Variants in PRKAR1A observed in about 807,000 individuals in gnomAD.
PRKAR1A encodes the protein protein kinase cAMP-dependent type I regulatory subunit alpha.
PRKAR1A carries 3 observed loss-of-function variants against 52.0 expected under a neutral mutation model. The observed-to-expected ratio is 0.06, with a 90% CI of 0.03 to 0.15. PRKAR1A has a LOEUF of 0.15. Among genes scored for constraint, PRKAR1A ranks in the 10% least tolerant of loss-of-function variants. The pLI is 1.00. For missense variants in PRKAR1A, 240 were observed against 477.4 expected (o/e 0.50, Z 4.63); for synonymous variants, 188 against 168.4 (o/e 1.12, Z -0.90).
the PRKAR1A span, chr17:68,422,257 C>T: frequency 5.0e-4 from 81 of 163,050 alleles, no homozygotes; most frequent in Non-Finnish European, 8.2e-4. Context: ...GAAACCCCAT[C>T]GCTACTAAAA....
At chr17:68,444,476 C>T in the PRKAR1A span, 1 of 1,605,398 alleles carries the variant, frequency 6.2e-7, no homozygotes, top group Middle Eastern at 1.7e-4. Flanking sequence ...GACATTTGTT[C>T]CATTTTTGGA....
chr17:68,471,554 C>T, the PRKAR1A span, among the ~76,000 whole-genome samples: 1 of 152,168 alleles, frequency 6.6e-6, no homozygotes, highest in Non-Finnish European at 1.5e-5. Context: ...AATGGCTAAG[C>T]CCCTCTATTC....
At chr17:68,498,690 C>T in the PRKAR1A span, among the ~76,000 whole-genome samples, 1 of 152,240 alleles carries the variant, frequency 6.6e-6, no homozygotes, top group Non-Finnish European at 1.5e-5. Context: ...TGGCAATTGG[C>T]CCTAGTTCCA....
Position 68,540,058 on chromosome 17 carries a change from A to C in PRKAR1A, c.973+10057A>C. On this transcript the variant is annotated intron_variant, in intron 11 of 11. Transcript: ENST00000585981. ...TCTCTCCAGGGAACGGAGGCCTGTC[A>C]TCACTTGAGAGACAGGGGTGTGAAC... 3 of 1,084,412 alleles carry C rather than the reference A, an allele frequency of 2.8e-6. No individual in the cohort carries two copies. In the South Asian group the frequency reaches 3.9e-5, roughly 14 times the overall value. 67.2% of individuals were successfully genotyped at this position (1,084,412 alleles called of 1,614,324 possible). A position where few individuals can be genotyped will look rare whatever the true frequency, so the allele number is the denominator to read the frequency against.
At chr17:68,427,778 T>C in the PRKAR1A span, among the ~76,000 whole-genome samples, 2 of 152,272 alleles carry the variant, frequency 1.3e-5, no homozygotes, top group South Asian at 2.1e-4. Context: ...GGTGAGGACA[T>C]GCTAGCAAGG....
At chr17:68,512,187 G>C (rs558978079), upstream of PRKAR1A, 3 of 154,124 alleles carry the variant, frequency 1.9e-5, no homozygotes, top group Non-Finnish European at 4.3e-5. Flanking sequence ...AACCGGGCTA[G>C]GGAGACTGCG....
intron 11 of PRKAR1A, chr17:68,543,766 G>A (rs1233931025): frequency 1.3e-6 from 2 of 1,530,954 alleles, no homozygotes; most frequent in Admixed American, 3.3e-5. Context: ...GACTTCAGCT[G>A]GGAGCCTGAG....
At chr17:68,450,397 G>A in the PRKAR1A span, among the ~76,000 whole-genome samples, 22 of 152,172 alleles carry the variant, frequency 1.4e-4, no homozygotes, top group Non-Finnish European at 3.2e-4. Context: ...TCTGATTTAA[G>A]GTGCTCTTGC....
At chr17:68,512,277 A>C (rs1260200994), upstream of PRKAR1A, 1 of 153,310 alleles carries the variant, frequency 6.5e-6, no homozygotes, top group Non-Finnish European at 1.5e-5. Context: ...AAGACGAACG[A>C]CCGCAGAGTG....
chr17:68,525,683 G>A (rs1380572550), intron 6 of PRKAR1A, 71 bp from the exon 7 acceptor site: 18 of 1,523,666 alleles, frequency 1.2e-5, no homozygotes, highest in Non-Finnish European at 1.6e-5. Context: ...TTTTAAAAAG[G>A]TTTGAGGGTT....
chr17:68,529,128 C>A, intron 9 of PRKAR1A, 137 bp downstream of exon 9: 1 of 1,022,552 alleles, frequency 9.8e-7, no homozygotes, highest in Middle Eastern at 3.2e-4. Context: ...GAATACCTGA[C>A]CATTTTATTT....
In PRKAR1A at chr17:68,539,330, A is replaced by G. The variant is rs757155258; in HGVS notation, c.973+9329A>G. 5.0e-6 allele frequency: 8 copies of G among 1,614,094 alleles called. No individual in the cohort carries two copies. In the African/African-American group the frequency reaches 5.3e-5, roughly 11 times the overall value. ...TTGCCCGTATTATCTGCTGCAGGAA[A>G]ACTTACATGCAGCACTGGGAGAGAG... is the stretch of plus-strand genomic sequence containing the variant. On this transcript the variant is annotated intron_variant, in intron 11 of 11. Coordinates refer to the PRKAR1A transcript ENST00000585981.
upstream of PRKAR1A, among the ~76,000 whole-genome samples, chr17:68,508,040 T>G (rs1381358968): frequency 6.6e-6 from 1 of 151,058 alleles, no homozygotes; most frequent in Admixed American, 6.7e-5. Context: ...TCTTTAATGT[T>G]TGTGGGCCTC....
At chr17:68,498,128 A>T in the PRKAR1A span, among the ~76,000 whole-genome samples, 5 of 152,046 alleles carry the variant, frequency 3.3e-5, no homozygotes, top group Admixed American at 6.5e-5. Flanking sequence ...TTCATGCCAC[A>T]CCTTTGCTAG....
In PRKAR1A at chr17:68,550,970, G is replaced by A. The variant is rs1271103399; in HGVS notation, c.974-114G>A. On this transcript the variant is annotated intron_variant, in intron 11 of 11. Transcript: ENST00000585981. ...CTCTCAATGGGCCTCCCCTTGAATG[G>A]CTGAAGGTTTGGAATCTGCCAGTCT... 5.3e-6 allele frequency: 5 copies of A among 948,998 alleles called. 1 individual carries two copies. Among genetic ancestry groups the A allele is most frequent in the East Asian group, 6.6e-5 (2 of 30,398 alleles). 58.8% of individuals were successfully genotyped at this position (948,998 alleles called of 1,614,324 possible). A position where few individuals can be genotyped will look rare whatever the true frequency, so the allele number is the denominator to read the frequency against.
At chr17:68,545,043 CA>C (rs2086484621) in intron 11 of PRKAR1A, among the ~76,000 whole-genome samples, 1 of 151,974 alleles carries the variant, frequency 6.6e-6, no homozygotes, top group African/African-American at 2.4e-5. Context: ...GTATATTTTC[CA>C]AAGTTAAAGT....
chr17:68,452,916 C>G, the PRKAR1A span: 12 of 1,613,654 alleles, frequency 7.4e-6, no homozygotes, highest in Non-Finnish European at 9.3e-6. Flanking sequence ...TTACTGCTTC[C>G]GTGGACTTGA....
intron 9 of PRKAR1A, among the ~76,000 whole-genome samples, chr17:68,529,384 T>C (rs2085893993): frequency 6.6e-6 from 1 of 152,232 alleles, no homozygotes; most frequent in East Asian, 1.9e-4. Context: ...TGTTTGTATA[T>C]CTCCACATTC....
the PRKAR1A span, among the ~76,000 whole-genome samples, chr17:68,487,238 T>C: frequency 4.7e-4 from 72 of 152,304 alleles, no homozygotes; most frequent in African/African-American, 1.6e-3. Flanking sequence ...TAGGGAAATC[T>C]CAAAGTATGG....
Sources: allele counts gnomAD v4.1 joint callset (sites outside exome capture counted in the v4.1 genomes callset), GRCh38; gene constraint gnomAD v4.1.1; transcripts MANE v1.5; gene names NCBI Gene and HGNC (gene_info 2026-07-23, HGNC 2026-07-21).